Variants in BCKDHB observed in about 807,000 individuals in gnomAD.
BCKDHB encodes 2-oxoisovalerate dehydrogenase subunit beta, mitochondrial.
BCKDHB carries 41 observed loss-of-function variants against 48.5 expected under a neutral mutation model. The ratio of observed to expected loss-of-function variants is 0.85; its 90% CI spans 0.66 to 1.10. The LOEUF (loss-of-function observed/expected upper bound fraction) is 1.10. Ranked by LOEUF, BCKDHB falls within the 50% of genes least tolerant of loss-of-function variation. The pLI is 0.00. For missense variants in BCKDHB, 496 were observed against 494.2 expected (o/e 1.00, Z -0.03); for synonymous variants, 201 against 174.8 (o/e 1.15, Z -1.18).
intron 8 of BCKDHB, among the ~76,000 whole-genome samples, chr6:80,222,289 A>G (rs1305853936): frequency 6.6e-6 from 1 of 152,212 alleles, no homozygotes; most frequent in Non-Finnish European, 1.5e-5. Context: ...CTGGCAAATC[A>G]CTGTTGGGCA....
chr6:80,167,857 C>T, intron 4 of BCKDHB, 46 bp downstream of exon 4: 4 of 1,586,156 alleles, frequency 2.5e-6, no homozygotes, highest in East Asian at 2.2e-5. Context: ...TTGAAATATT[C>T]AAGTATTGCC....
In BCKDHB at chr6:80,215,222, C is replaced by T. The variant is rs534536129; in HGVS notation, c.951+12010C>T. 1.2e-4 allele frequency among the ~76,000 whole-genome samples: 18 copies of T among 152,330 alleles called. No individual in the cohort carries two copies. In the South Asian group the frequency reaches 3.7e-3, roughly 32 times the overall value. ...GAGAAAACAGGTAGGGCGGTGCCCT[C>T]CTCTCAGATGAGAATAGTTTGTTTC... On this transcript the variant is annotated intron_variant, in intron 8 of 9. Transcript: ENST00000320393.
chr6:80,441,160 A>T, the BCKDHB span: 1 of 152,222 alleles, frequency 6.6e-6, no homozygotes, highest in African/African-American at 2.4e-5. Flanking sequence ...GCAGAGAAGA[A>T]ACATACAAAG....
At chr6:80,195,356 G>T (rs1352543888) in intron 6 of BCKDHB, among the ~76,000 whole-genome samples, 1 of 152,022 alleles carries the variant, frequency 6.6e-6, no homozygotes, top group Non-Finnish European at 1.5e-5. Context: ...TAGTTTTCTT[G>T]TTCATATATT....
the BCKDHB span, among the ~76,000 whole-genome samples, chr6:80,453,534 A>C: frequency 6.6e-6 from 1 of 152,198 alleles, no homozygotes; most frequent in South Asian, 2.1e-4. Context: ...GGGCCTCCTG[A>C]AAATATAGAA....
At chr6:80,237,528 C>T (rs1444122076) in intron 8 of BCKDHB, among the ~76,000 whole-genome samples, 8 of 152,186 alleles carry the variant, frequency 5.3e-5, no homozygotes. Flanking sequence ...ACTCATCATA[C>T]TTAGTGTTTA....
At chr6:80,159,347 A>T (rs187263812) in intron 3 of BCKDHB, among the ~76,000 whole-genome samples, 18 of 151,762 alleles carry the variant, frequency 1.2e-4, no homozygotes, top group East Asian at 1.2e-3. Context: ...AGACTAGATT[A>T]AAAAAAAATC....
At chr6:80,146,538 G>T (rs1398109617) in intron 3 of BCKDHB, among the ~76,000 whole-genome samples, 1 of 152,098 alleles carries the variant, frequency 6.6e-6, no homozygotes, top group Non-Finnish European at 1.5e-5. Context: ...CCGCAGGGAT[G>T]GGGAGAATGG....
At chr6:80,323,931 G>C (rs1441091488) in intron 9 of BCKDHB, among the ~76,000 whole-genome samples, 5 of 152,048 alleles carry the variant, frequency 3.3e-5, no homozygotes, top group East Asian at 1.9e-4. Flanking sequence ...CGCCACTACG[G>C]CCGGCTAATT....
At chr6:80,131,073 T>C (rs912047326) in intron 3 of BCKDHB, among the ~76,000 whole-genome samples, 13 of 152,254 alleles carry the variant, frequency 8.5e-5, no homozygotes, top group Non-Finnish European at 1.8e-4. Flanking sequence ...AGTCCTCTGC[T>C]GCCTGTCTGC....
At chr6:80,378,702 G>C in the BCKDHB span, among the ~76,000 whole-genome samples, 2 of 151,984 alleles carry the variant, frequency 1.3e-5, no homozygotes, top group African/African-American at 4.8e-5. Flanking sequence ...ACTTCTTTGG[G>C]ATATCGCCAT....
At chr6:80,106,924 A>T (rs1769100256) in intron 1 of BCKDHB, 35 bp downstream of exon 1, 1 of 1,577,250 alleles carries the variant, frequency 6.3e-7, no homozygotes, top group South Asian at 1.2e-5. Context: ...GTCCCGCTGC[A>T]GCCCGGACTC....
intron 8 of BCKDHB, among the ~76,000 whole-genome samples, chr6:80,270,047 A>G (rs1271181118): frequency 2.0e-5 from 3 of 152,094 alleles, no homozygotes; most frequent in Middle Eastern, 3.2e-3. Flanking sequence ...GTAGATTTAT[A>G]ATGATCTCAT....
intron 3 of BCKDHB, among the ~76,000 whole-genome samples, chr6:80,146,826 A>G (rs1196931805): frequency 6.6e-6 from 1 of 152,160 alleles, no homozygotes; most frequent in African/African-American, 2.4e-5. Flanking sequence ...TCTGGAGGTT[A>G]ATTCTCCAAG....
the BCKDHB span, among the ~76,000 whole-genome samples, chr6:80,430,610 G>A: frequency 1.3e-5 from 2 of 152,076 alleles, no homozygotes. Flanking sequence ...TTTGTGTAGA[G>A]GTGTTTATTG....
At chr6:80,359,971 G>A in the BCKDHB span, among the ~76,000 whole-genome samples, 10 of 152,256 alleles carry the variant, frequency 6.6e-5, no homozygotes. Flanking sequence ...AAAGAATGTT[G>A]TTCAGTTGTC....
At chr6:80,322,274 T>C (rs1768778287) in intron 9 of BCKDHB, among the ~76,000 whole-genome samples, 1 of 149,222 alleles carries the variant, frequency 6.7e-6, no homozygotes, top group African/African-American at 2.5e-5. Flanking sequence ...AGTCGCACTT[T>C]GTTGCCCAGG....
the BCKDHB span, among the ~76,000 whole-genome samples, chr6:80,358,463 C>T: frequency 2.6e-5 from 4 of 151,886 alleles, no homozygotes; most frequent in South Asian, 4.1e-4. Flanking sequence ...TGGTGATTGT[C>T]GATTGTTTTT....
chr6:80,141,055 T>A (rs1389605864), intron 3 of BCKDHB, among the ~76,000 whole-genome samples: 1 of 152,162 alleles, frequency 6.6e-6, no homozygotes, highest in Non-Finnish European at 1.5e-5. Flanking sequence ...GTCCAGGAAT[T>A]TATCCATTTC....
Sources: gnomAD v4.1 joint callset for allele counts (sites outside exome capture counted in the v4.1 genomes callset) on GRCh38, gnomAD v4.1.1 for gene constraint, MANE v1.5 for transcripts, NCBI Gene and HGNC (gene_info 2026-07-23, HGNC 2026-07-21) for gene names.